Variants in ABCA6 observed in about 807,000 individuals in gnomAD.
ABCA6 encodes the protein ATP binding cassette subfamily A member 6.
ABCA6 carries 164 observed loss-of-function variants against 191.2 expected under a neutral mutation model. That is an observed-to-expected ratio of 0.86 (90% CI 0.76 to 0.98). The LOEUF (loss-of-function observed/expected upper bound fraction) is 0.98. ABCA6 is among the 50% of genes least tolerant of loss of function. The probability of loss-of-function intolerance (pLI) is 0.00; values close to 1 mark genes in which losing one functional copy is unlikely to be tolerated. For synonymous variants in ABCA6, 636 were observed against 647.7 expected (o/e 0.98, Z 0.27); for missense variants, 1,958 against 1,894.1 (o/e 1.03, Z -0.63).
Position 69,096,310 on chromosome 17 carries a change from A to T in ABCA6, c.3338T>A (p.Ile1113Lys). 6.5e-7 allele frequency: 1 copy of T among 1,530,786 alleles called. No homozygotes were observed. The highest frequency in any genetic ancestry group is 8.8e-7 in the Non-Finnish European group (1 of 1,140,796). The allele number at this position is 1,530,786 out of a possible 1,614,324, so 94.8% of individuals were successfully genotyped here. ...PGYAASLVFF[I>K]YMISFIFRKR... ...GCGAAAAATAAATGATATCATATAT[A>T]TGAAGAAGACAAGAGAAGCTGCATA... Residue 1113 changes from isoleucine (I) to lysine (K), a missense_variant, in exon 25 of 39, where the codon ATA becomes AAA. Transcript: ENST00000284425.
intron 24 of ABCA6, 74 bp downstream of exon 24, chr17:69,096,551 TAAC>T: frequency 1.8e-6 from 2 of 1,129,784 alleles, no homozygotes; most frequent in East Asian, 5.8e-5. Flanking sequence ...TAAAACATCT[TAAC>T]TACTTAAAAT....
rs942057648 is a variant in ABCA6 at position 69,115,374 on chromosome 17, A to G, written c.1606+2T>C. 6.3e-7 allele frequency: 1 copy of G among 1,599,864 alleles called. No individual in the cohort carries two copies. Among genetic ancestry groups the G allele is most frequent in the African/African-American group, 1.3e-5 (1 of 74,610 alleles). ...GCCTTTGAGAAATTTCTTTTTACTC[A>G]CCTTCTGTTGGAACAGACAATCCAT... is the stretch of plus-strand genomic sequence containing the variant. On this transcript the variant is annotated splice_donor_variant, in intron 12 of 38. Coordinates refer to ENST00000284425, the MANE Select transcript of ABCA6 (RefSeq NM_080284.3). LOFTEE classifies it high-confidence loss of function.
rs1310940654 is a variant in ABCA6, at chr17:69,136,073, A to G, written c.460+19T>C. ...AAAACATGAAAAATTCCATAATGAT[A>G]TTTGATATGGAAAGTCACCTGAGAA... On this transcript the variant is annotated intron_variant, in intron 4 of 38. Transcript: ENST00000284425. 6.9e-6 allele frequency: 11 copies of G among 1,602,834 alleles called. No individual in the cohort carries two copies. Among genetic ancestry groups the G allele is most frequent in the Non-Finnish European group, 9.4e-6 (11 of 1,172,134 alleles).
chr17:69,139,369 G>A (rs1279701763), intron 2 of ABCA6, among the ~76,000 whole-genome samples: 2 of 152,210 alleles, frequency 1.3e-5, no homozygotes, highest in Non-Finnish European at 2.9e-5. Flanking sequence ...CTGGCCATCA[G>A]AGAAATGCAA....
intron 22 of ABCA6, 99 bp from the exon 23 acceptor site, chr17:69,098,126 A>C: frequency 1.2e-6 from 1 of 841,252 alleles, no homozygotes; most frequent in Non-Finnish European, 1.7e-6. Flanking sequence ...TGAAAAATCA[A>C]AGTAAAGGTG....
intron 7 of ABCA6, 98 bp downstream of exon 7, chr17:69,129,512 T>C (rs1242985662): frequency 1.2e-5 from 12 of 1,033,332 alleles, no homozygotes; most frequent in Non-Finnish European, 1.6e-5. Flanking sequence ...ACAATGGACA[T>C]GAAAGTAGTG....
chr17:69,113,585 C>T (rs1410765790), intron 14 of ABCA6, 33 bp downstream of exon 14: 1 of 1,612,262 alleles, frequency 6.2e-7, no homozygotes, highest in African/African-American at 1.3e-5. Context: ...AGACATTCGA[C>T]CTGCTTCCTT....
At chr17:69,116,743 G>T (rs1299630896) in intron 11 of ABCA6, among the ~76,000 whole-genome samples, 1 of 152,048 alleles carries the variant, frequency 6.6e-6, no homozygotes, top group Non-Finnish European at 1.5e-5. Context: ...TTGCAGATGT[G>T]CTCCAGAAAC....
At chr17:69,102,695 ACTTC>A in intron 21 of ABCA6, 136 bp downstream of exon 21, 1 of 733,300 alleles carries the variant, frequency 1.4e-6, no homozygotes. Context: ...ACTTAGGTAA[ACTTC>A]ACAGTTTATT....
At chr17:69,132,362 T>C (rs2073878554) in intron 6 of ABCA6, among the ~76,000 whole-genome samples, 2 of 152,228 alleles carry the variant, frequency 1.3e-5, no homozygotes, top group Non-Finnish European at 2.9e-5. Flanking sequence ...TTGTCATTGA[T>C]AGTATTGCAA....
chr17:69,131,492 T>G (rs2073860913), intron 6 of ABCA6, among the ~76,000 whole-genome samples: 1 of 152,106 alleles, frequency 6.6e-6, no homozygotes, highest in South Asian at 2.1e-4. Context: ...ACCTAGAAAT[T>G]GCCACTACTT....
chr17:69,134,949 C>A (rs550921424), intron 4 of ABCA6, among the ~76,000 whole-genome samples: 7 of 134,242 alleles, frequency 5.2e-5, no homozygotes, highest in Admixed American at 3.4e-4. Context: ...GTGGTGCGAT[C>A]TCAGCTCACT....
chr17:69,135,876 C>G, intron 4 of ABCA6: 1 of 539,048 alleles, frequency 1.9e-6, no homozygotes, highest in Non-Finnish European at 3.3e-6. Context: ...ACACATGCAT[C>G]TGCATGCTCA....
At chr17:69,110,756 C>A in intron 17 of ABCA6, 45 bp downstream of exon 17, 1 of 1,541,542 alleles carries the variant, frequency 6.5e-7, no homozygotes, top group Non-Finnish European at 8.7e-7. Flanking sequence ...ATAATGTGAA[C>A]ATTTTTTCCC....
At chr17:69,119,427 T>G (rs2073597366) in intron 10 of ABCA6, among the ~76,000 whole-genome samples, 1 of 152,212 alleles carries the variant, frequency 6.6e-6, no homozygotes, top group African/African-American at 2.4e-5. Flanking sequence ...TATTCTTCTC[T>G]TGTTCACTGC....
chr17:69,107,511 A>T (rs1248896578), intron 18 of ABCA6, among the ~76,000 whole-genome samples, 185 bp downstream of exon 18: 1 of 152,196 alleles, frequency 6.6e-6, no homozygotes, highest in African/African-American at 2.4e-5. Flanking sequence ...GATGCCATGA[A>T]GGGATCTGTG....
chr17:69,088,647 G>A (rs1277158718), intron 27 of ABCA6, among the ~76,000 whole-genome samples: 1 of 152,090 alleles, frequency 6.6e-6, no homozygotes, highest in African/African-American at 2.4e-5. Flanking sequence ...AGTATCCTGA[G>A]CTACTTTTTT....
chr17:69,123,123 A>C (rs950120425), intron 10 of ABCA6, 116 bp downstream of exon 10: 1 of 528,828 alleles, frequency 1.9e-6, no homozygotes, highest in African/African-American at 2.0e-5. Context: ...TGTAACAAAC[A>C]TGCACGTTGT....
intron 17 of ABCA6, chr17:69,108,887 C>G (rs1396905372): frequency 6.6e-6 from 1 of 152,170 alleles, no homozygotes; most frequent in Non-Finnish European, 1.5e-5. Context: ...GAGGTCAACA[C>G]CAGAGACTCT....
Sources: gnomAD v4.1 joint callset for allele counts (sites outside exome capture counted in the v4.1 genomes callset) on GRCh38, gnomAD v4.1.1 for gene constraint, MANE v1.5 for transcripts, NCBI Gene and HGNC (gene_info 2026-07-23, HGNC 2026-07-21) for gene names.